Variants in EMILIN2 observed in about 807,000 individuals in gnomAD.
EMILIN2 encodes the protein EMILIN-2.
Under a neutral mutation model 87.1 loss-of-function variants are expected in EMILIN2, and 71 were observed. The ratio of observed to expected loss-of-function variants is 0.82; its 90% CI spans 0.67 to 0.99. EMILIN2 has a LOEUF of 0.99. EMILIN2 is among the 50% of genes least tolerant of loss of function. The pLI is 0.00. For missense variants in EMILIN2, 1,407 were observed against 1,371.8 expected (o/e 1.03, Z -0.40); for synonymous variants, 581 against 563.4 (o/e 1.03, Z -0.44).
chr18:2,892,146 G>C lies in EMILIN2; in HGVS notation c.2019G>C (p.Arg673Ser), dbSNP rs576751741. The change falls in exon 4 of 8, where the codon AGG becomes AGC. Residue 673 changes from arginine (R) to serine (S), a missense_variant. Coordinates refer to ENST00000254528, the MANE Select transcript of EMILIN2 (RefSeq NM_032048.3). ...VAHCCSQLEE[R>S]WQRLQSQVIS... is the part of the protein sequence containing the mutation. Reference sequence around the variant, plus strand: ...ATTGCTGCAGTCAGCTGGAGGAGAGGTGGCAGAGGTTGCAGAGCCAGGTCA... The same window carrying C: ...ATTGCTGCAGTCAGCTGGAGGAGAGCTGGCAGAGGTTGCAGAGCCAGGTCA... The C allele has an allele frequency of 1.2e-6, 2 of 1,608,782 alleles. No individual in the cohort carries two copies. Among genetic ancestry groups the C allele is most frequent in the South Asian group, 1.1e-5 (1 of 90,626 alleles).
intron 5 of EMILIN2, 125 bp from the exon 6 acceptor site, chr18:2,908,818 T>C: frequency 8.8e-7 from 1 of 1,135,956 alleles, no homozygotes; most frequent in East Asian, 2.3e-5. Context: ...CCTTGTTCTA[T>C]GTCTGTTTCT....
chr18:2,865,133 G>A (rs1235813308), intron 2 of EMILIN2, among the ~76,000 whole-genome samples: 3 of 151,776 alleles, frequency 2.0e-5, no homozygotes, highest in Non-Finnish European at 4.4e-5. Flanking sequence ...TTTTTTTCAA[G>A]GTTTTTAACT....
Position 2,892,165 on chromosome 18 carries a change from C to T in EMILIN2, c.2038C>T (p.Gln680Ter). ...LEERWQRLQS[Q>*]VISELDACKE... ...GGAGAGGTGGCAGAGGTTGCAGAGC[C>T]AGGTCATCTCGGAGCTGGATGCTTG... The change falls in exon 4 of 8, where the codon CAG (glutamine) becomes TAG (stop). Residue 680 changes from glutamine (Q) to a stop codon, truncating the protein, a stop_gained. Transcript: ENST00000254528. LOFTEE classifies it high-confidence loss of function. 6.2e-7 allele frequency: 1 copy of T among 1,606,894 alleles called. No homozygotes were observed. The highest frequency in any genetic ancestry group is 8.5e-7 in the Non-Finnish European group (1 of 1,175,388).
At position 2,852,582 on chromosome 18, in the gene EMILIN2, C is replaced by T. The variant is rs577572823; in HGVS notation, c.257+4651C>T. On this transcript the variant is annotated intron_variant, in intron 2 of 7. Coordinates refer to ENST00000254528, the MANE Select transcript of EMILIN2 (RefSeq NM_032048.3). ...TGCCCAGGCTGGAGCGCAGCGGCAC[C>T]ATCTCGGCTCACTGCAACCTCCACC... Among the ~76,000 whole-genome samples, 179 of 152,300 alleles carry T rather than the reference C, an allele frequency of 1.2e-3. 3 individuals are homozygous for T. In the South Asian group the frequency reaches 0.013, roughly 11 times the overall value.
chr18:2,884,521 C>T (rs757632159), intron 2 of EMILIN2, among the ~76,000 whole-genome samples: 5 of 152,242 alleles, frequency 3.3e-5, no homozygotes, highest in Admixed American at 6.5e-5. Context: ...GCTGGGATTA[C>T]AGGCATGAGC....
At chr18:2,912,412 C>T (rs549167964) in intron 7 of EMILIN2, among the ~76,000 whole-genome samples, 2 of 152,252 alleles carry the variant, frequency 1.3e-5, no homozygotes, top group South Asian at 2.1e-4. Context: ...CGGCAAGGTC[C>T]GATGTCTGCT....
At chr18:2,860,256 CTTTAAG>C (rs2076653822) in intron 2 of EMILIN2, among the ~76,000 whole-genome samples, 1 of 151,754 alleles carries the variant, frequency 6.6e-6, no homozygotes, top group Non-Finnish European at 1.5e-5. Context: ...TTTTAATATA[CTTTAAG>C]TTTTAGGGTA....
At chr18:2,897,409 A>G (rs893547452) in intron 4 of EMILIN2, among the ~76,000 whole-genome samples, 20 of 152,184 alleles carry the variant, frequency 1.3e-4, no homozygotes, top group African/African-American at 4.6e-4. Context: ...ATAAACCCCC[A>G]GGCCTCCAGC....
At chr18:2,863,807 G>A (rs1392338833) in intron 2 of EMILIN2, among the ~76,000 whole-genome samples, 1 of 151,986 alleles carries the variant, frequency 6.6e-6, no homozygotes, top group East Asian at 2.0e-4. Context: ...TCTGTCTAAT[G>A]TTGACAGTGG....
intron 2 of EMILIN2, among the ~76,000 whole-genome samples, chr18:2,883,906 G>A (rs1157881512): frequency 2.6e-5 from 4 of 152,184 alleles, no homozygotes; most frequent in Admixed American, 6.5e-5. Flanking sequence ...GAGGTGCAGC[G>A]GTAAACACAC....
chr18:2,899,268 A>T (rs986791351), intron 4 of EMILIN2, among the ~76,000 whole-genome samples: 1 of 152,130 alleles, frequency 6.6e-6, no homozygotes, highest in Non-Finnish European at 1.5e-5. Context: ...GCTGTGCCCA[A>T]AAAGAAAGAG....
At chr18:2,905,306 G>GA (rs1461971748) in intron 4 of EMILIN2, among the ~76,000 whole-genome samples, 1 of 89,832 alleles carries the variant, frequency 1.1e-5, no homozygotes, top group Non-Finnish European at 2.1e-5. Context: ...GGGGCGGGGG[G>GA]GGGGCATGTA....
chr18:2,868,208 G>C (rs1439756183), intron 2 of EMILIN2, among the ~76,000 whole-genome samples: 1 of 151,372 alleles, frequency 6.6e-6, no homozygotes, highest in Admixed American at 6.6e-5. Flanking sequence ...ATGGGGCGGC[G>C]GGGCAGAGGC....
chr18:2,915,741 G>C lies in EMILIN2; in HGVS notation c.*2337G>C, dbSNP rs2076965502. 1 of 152,068 alleles carries C rather than the reference G, an allele frequency of 6.6e-6. No homozygotes were observed. The highest frequency in any genetic ancestry group is 1.5e-5 in the Non-Finnish European group (1 of 68,074). The allele number at this position is 152,068 out of a possible 1,614,324, so 9.4% of individuals were successfully genotyped here. A position where few individuals can be genotyped will look rare whatever the true frequency, so the allele number is the denominator to read the frequency against. The stretch of plus-strand genomic sequence containing the variant: ...TTTCACCGTGTTGCCCAGGCTGGTC[G>C]CGAACTCCTGAGCTCAGCCAATCCG... On this transcript the variant is annotated 3_prime_UTR_variant, in exon 8 of 8. Coordinates refer to ENST00000254528, the MANE Select transcript of EMILIN2 (RefSeq NM_032048.3).
At chr18:2,867,929 G>A (rs377595235) in intron 2 of EMILIN2, among the ~76,000 whole-genome samples, 9 of 151,984 alleles carry the variant, frequency 5.9e-5, no homozygotes, top group South Asian at 2.1e-4. Flanking sequence ...AGGGGCGGCC[G>A]GGCAGAGGCG....
At position 2,891,990 on chromosome 18, in the gene EMILIN2, T is replaced by C. The variant is rs530518933; in HGVS notation, c.1863T>C (p.Asp621=). 1 of 1,614,226 alleles carries C rather than the reference T, an allele frequency of 6.2e-7. No homozygotes were observed. The highest frequency in any genetic ancestry group is 1.7e-5 in the Admixed American group (1 of 60,030). ...CTCAATTAAACCACACAGAAAATGA[T>C]GTGACTCATCTTCAAAAGGAAATGA... is the stretch of plus-strand genomic sequence containing the variant. ...LYSQLNHTEN[D]VTHLQKEMSN... The change falls in exon 4 of 8, where the codon GAT becomes GAC. Residue 621 remains aspartate, a synonymous_variant. Coordinates refer to ENST00000254528, the MANE Select transcript of EMILIN2 (RefSeq NM_032048.3). The surrounding 1 kb of genome is among the most constrained non-coding windows in gnomAD (Gnocchi z 4.6).
chr18:2,875,914 G>A (rs1287787753), intron 2 of EMILIN2, among the ~76,000 whole-genome samples: 1 of 152,002 alleles, frequency 6.6e-6, no homozygotes, highest in Non-Finnish European at 1.5e-5. Context: ...AAATTGTGGG[G>A]AAAACTTCTA....
chr18:2,866,283 C>G (rs1229464880), intron 2 of EMILIN2, among the ~76,000 whole-genome samples: 2 of 152,212 alleles, frequency 1.3e-5, no homozygotes, highest in African/African-American at 4.8e-5. Flanking sequence ...TCTTCTGCGT[C>G]GCTCACGCTG....
intron 4 of EMILIN2, chr18:2,906,178 G>A (rs1344858391): frequency 6.6e-6 from 1 of 152,200 alleles, no homozygotes; most frequent in East Asian, 1.9e-4. Context: ...GTTCAAAGGA[G>A]GAAAGGGCGG....
Sources: gnomAD v4.1 joint callset for allele counts (sites outside exome capture counted in the v4.1 genomes callset) on GRCh38, gnomAD v4.1.1 for gene constraint, Gnocchi (gnomAD v3.1) non-coding constraint, MANE v1.5 for transcripts, NCBI Gene and HGNC (gene_info 2026-07-23, HGNC 2026-07-21) for gene names.